The following HCN2 variants were observed in gnomAD, a reference collection of about 807,000 sequenced individuals.
HCN2 encodes the protein hyperpolarization activated cyclic nucleotide gated potassium and sodium channel 2.
Under a neutral mutation model 52.3 loss-of-function variants are expected in HCN2, and 20 were observed. That is an observed-to-expected ratio of 0.38 (90% CI 0.27 to 0.56). The LOEUF is 0.56. Ranked by LOEUF, HCN2 falls within the 20% of genes least tolerant of loss-of-function variation. The probability of loss-of-function intolerance (pLI) is 0.71; values close to 1 mark genes in which losing one functional copy is unlikely to be tolerated. For synonymous variants in HCN2, 694 were observed against 537.0 expected (o/e 1.29, Z -4.04); for missense variants, 981 against 1,207.7 (o/e 0.81, Z 2.78).
chr19:614,062 A>C, intron 7 of HCN2, 46 bp downstream of exon 7: 7 of 1,311,200 alleles, frequency 5.3e-6, no homozygotes, highest in South Asian at 4.7e-5. Flanking sequence ...CTGGCGGGGG[A>C]GGGGCGTGGC....
At position 611,244 on chromosome 19, in the gene HCN2, G is replaced by A. The variant is rs112204891; in HGVS notation, c.1584+839G>A. On this transcript the variant is annotated intron_variant, in intron 5 of 7. Coordinates refer to ENST00000251287, the MANE Select transcript of HCN2 (RefSeq NM_001194.4). ...AACACACATCAAACAGTTATTGAGC[G>A]CCGACTGCGTGCCCTGCCGTGTGCT... 6.0e-3 allele frequency among the ~76,000 whole-genome samples: 909 copies of A among 152,336 alleles called. 9 individuals are homozygous for A. The highest frequency in any genetic ancestry group is 0.027 in the Middle Eastern group (8 of 294).
At chr19:607,885 G>A (rs1983473662) in intron 3 of HCN2, 79 bp from the exon 4 acceptor site, 3 of 1,061,048 alleles carry the variant, frequency 2.8e-6, no homozygotes, top group Admixed American at 4.1e-5. Flanking sequence ...GGCAGAGGGT[G>A]GGCGCTGGGC....
intron 3 of HCN2, among the ~76,000 whole-genome samples, chr19:605,481 A>T (rs34769108): frequency 0.04 from 979 of 24,456 alleles, 83 homozygotes; most frequent in African/African-American, 0.22. Context: ...TCGGGCCCTT[A>T]CAGAGGTGGG....
chr19:609,762 G>A (rs745754704), intron 4 of HCN2, among the ~76,000 whole-genome samples: 2 of 151,986 alleles, frequency 1.3e-5, no homozygotes, highest in Non-Finnish European at 2.9e-5. Context: ...TCAGCCAGGC[G>A]TGGTGGCGCA....
rs747103664 is a variant in HCN2, at chr19:615,765, G to C, written c.1991-30G>C. On this transcript the variant is annotated intron_variant, in intron 7 of 7. Transcript: ENST00000251287. ...CCGCTGTACGCAGCAGGCGCTCCCTGTGCACACGCTAACGCCCCCTCTCCC... is the reference window on the plus strand; with the variant it reads ...CCGCTGTACGCAGCAGGCGCTCCCTCTGCACACGCTAACGCCCCCTCTCCC... 5.0e-6 allele frequency: 8 copies of C among 1,606,746 alleles called. No individual in the cohort carries two copies. The South Asian group carries it at 8.8e-5, about 18-fold the overall frequency.
chr19:612,962 G>A (rs1416281772), intron 5 of HCN2, among the ~76,000 whole-genome samples: 1 of 152,034 alleles, frequency 6.6e-6, no homozygotes, highest in Non-Finnish European at 1.5e-5. Context: ...TCACACGCGT[G>A]AGCCCCCGCA....
At position 592,775 on chromosome 19, in the gene HCN2, T is replaced by G. The variant is rs1461258984; in HGVS notation, c.632+2198T>G. On this transcript the variant is annotated intron_variant, in intron 1 of 7. Coordinates refer to ENST00000251287, the MANE Select transcript of HCN2 (RefSeq NM_001194.4). The surrounding 1 kb of genome is among the most constrained non-coding windows in gnomAD (Gnocchi z 4.8). The stretch of plus-strand genomic sequence containing the variant: ...CCCCAAGAATATCTCAAAAGCTCCC[T>G]AAGCAGGCGGCCGGACCCTGCTGTG... 1.3e-5 allele frequency among the ~76,000 whole-genome samples: 2 copies of G among 152,100 alleles called. No individual in the cohort carries two copies. Among genetic ancestry groups the G allele is most frequent in the African/African-American group, 4.8e-5 (2 of 41,400 alleles).
In HCN2 at chr19:615,941, C is replaced by T. The variant is rs1387428236; in HGVS notation, c.2137C>T (p.Leu713Phe). The change falls in exon 8 of 8, where the codon CTC (leucine) becomes TTC (phenylalanine). Residue 713 changes from leucine (L) to phenylalanine (F), a missense_variant. Leu to Phe is a conservative substitution (Grantham distance 22, BLOSUM62 0). Around this residue, in one of 6 missense-constraint regions of HCN2, gnomAD observed 368 missense variants for 314.8 expected, o/e 1.17. Transcript: ENST00000251287. ...QQAELGQRVG[L>F]FPPPPPPPQV... ...GGCCGAGCTGGGTCAGCGCGTGGGC[C>T]TCTTCCCGCCGCCGCCGCCGCCGCC... The T allele has an allele frequency of 1.1e-5, 17 of 1,608,090 alleles. No individual in the cohort carries two copies. In the African/African-American group the frequency reaches 1.6e-4, roughly 15 times the overall value.
intron 1 of HCN2, among the ~76,000 whole-genome samples, chr19:595,501 C>T (rs1016794104): frequency 3.3e-5 from 5 of 152,170 alleles, no homozygotes; most frequent in East Asian, 1.9e-4. Context: ...GAAGGGAACC[C>T]GGAGCATCAA....
intron 5 of HCN2, among the ~76,000 whole-genome samples, chr19:612,560 C>T (rs1430024509): frequency 1.3e-5 from 2 of 151,906 alleles, no homozygotes; most frequent in African/African-American, 4.8e-5. Flanking sequence ...ATTACAGGCA[C>T]CCGCCACCAC....
At chr19:609,276 C>T (rs1363505259) in intron 4 of HCN2, among the ~76,000 whole-genome samples, 1 of 152,130 alleles carries the variant, frequency 6.6e-6, no homozygotes, top group Admixed American at 6.5e-5. Flanking sequence ...CTGGGGACAG[C>T]AGGGCCTGGC....
At chr19:604,796 G>GC (rs1568364682) in intron 2 of HCN2, among the ~76,000 whole-genome samples, 7 of 126,426 alleles carry the variant, frequency 5.5e-5, no homozygotes, top group Admixed American at 3.9e-4. Flanking sequence ...TGGATTTGGG[G>GC]GGTGTCCTAG....
chr19:590,940 G>A lies in HCN2; in HGVS notation c.632+363G>A, dbSNP rs1171575023. 12 of 161,602 alleles carry A rather than the reference G, an allele frequency of 7.4e-5. No homozygotes were observed. The highest frequency in any genetic ancestry group is 2.7e-3 in the Middle Eastern group (1 of 364). 10.0% of individuals were successfully genotyped at this position (161,602 alleles called of 1,614,324 possible). Reference sequence around the variant, plus strand: ...AGAGGCGGCGGAGCGGGAGGGAGGAGGAACGAAGGGCGCCCGGGAAGGACG... The same window carrying A: ...AGAGGCGGCGGAGCGGGAGGGAGGAAGAACGAAGGGCGCCCGGGAAGGACG... On this transcript the variant is annotated intron_variant, in intron 1 of 7. Coordinates refer to ENST00000251287, the MANE Select transcript of HCN2 (RefSeq NM_001194.4). This position sits in a 1 kb window ranked among gnomAD's most constrained non-coding sequence, Gnocchi z 7.2.
intron 1 of HCN2, among the ~76,000 whole-genome samples, chr19:602,165 C>CTGGAAATGCAG (rs1983224956): frequency 7.2e-6 from 1 of 138,972 alleles, no homozygotes. Flanking sequence ...CCCACTTCCT[C>CTGGAAATGCAG]CTCTCCTGCG....
At chr19:594,458 G>C (rs183755358) in intron 1 of HCN2, among the ~76,000 whole-genome samples, 1 of 152,300 alleles carries the variant, frequency 6.6e-6, no homozygotes, top group East Asian at 1.9e-4. Flanking sequence ...GAGGCCCCGT[G>C]TGAGGGGAGA....
Position 611,495 on chromosome 19 carries a change from A to G in HCN2, c.1584+1090A>G, listed in dbSNP as rs1175583244. 2.0e-5 allele frequency among the ~76,000 whole-genome samples: 3 copies of G among 152,140 alleles called. No homozygotes were observed. In the East Asian group the frequency reaches 5.8e-4, roughly 29 times the overall value. ...AGGAGGCGGGCAGGACGGGCCTGAC[A>G]CTAGGGACCTCGGGCCCCGGGAATG... On this transcript the variant is annotated intron_variant, in intron 5 of 7. Transcript: ENST00000251287.
chr19:599,379 A>G (rs1983129552), intron 1 of HCN2, among the ~76,000 whole-genome samples: 1 of 151,976 alleles, frequency 6.6e-6, no homozygotes, highest in Non-Finnish European at 1.5e-5. Flanking sequence ...GTTTTTCTTT[A>G]TTGGTGTTAA....
intron 1 of HCN2, among the ~76,000 whole-genome samples, chr19:597,335 G>A (rs1319634277): frequency 2.0e-5 from 3 of 152,222 alleles, no homozygotes; most frequent in Non-Finnish European, 2.9e-5. Context: ...TCCATCAGAG[G>A]GGAGGTGTGG....
Position 589,890 on chromosome 19 carries a change from T to C in HCN2, c.-56T>C. ...CCCCCGCCTCCCCCCTCCCTCGGGC[T>C]CCGGCCGGCGGCGGCGGCGGCGGCT... On this transcript the variant is annotated 5_prime_UTR_variant, in exon 1 of 8. Coordinates refer to ENST00000251287, the MANE Select transcript of HCN2 (RefSeq NM_001194.4). 1.6e-6 allele frequency: 1 copy of C among 615,882 alleles called. No individual in the cohort carries two copies. The highest frequency in any genetic ancestry group is 1.9e-6 in the Non-Finnish European group (1 of 513,000). 38.2% of individuals were successfully genotyped at this position (615,882 alleles called of 1,614,324 possible).
Sources: gnomAD v4.1 joint callset for allele counts (sites outside exome capture counted in the v4.1 genomes callset) on GRCh38, gnomAD v4.1.1 for gene constraint, gnomAD v4.1.1 regional missense constraint, Gnocchi (gnomAD v3.1) non-coding constraint, MANE v1.5 for transcripts, NCBI Gene and HGNC (gene_info 2026-07-23, HGNC 2026-07-21) for gene names.